Variants in SLC19A3 observed in about 807,000 individuals in gnomAD.
SLC19A3 encodes solute carrier family 19 member 3.
SLC19A3 carries 31 observed loss-of-function variants against 40.2 expected under a neutral mutation model. The ratio of observed to expected loss-of-function variants is 0.77; its 90% CI spans 0.58 to 1.04. The LOEUF (loss-of-function observed/expected upper bound fraction) is 1.04, where lower values mean the gene tolerates loss of function less well. Ranked by LOEUF, SLC19A3 falls within the 50% of genes least tolerant of loss-of-function variation. The pLI is 0.00. For synonymous variants in SLC19A3, 212 were observed against 227.5 expected (o/e 0.93, Z 0.61); for missense variants, 592 against 596.7 (o/e 0.99, Z 0.08).
chr2:227,685,126 G>T lies in SLC19A3; in HGVS notation c.*2271C>A, dbSNP rs11895663. ...TTGGGCTGGATCTTAGTCCAGTGAA[G>T]AATTTCGGGATTTGGAGAGGAGTAT... On this transcript the variant is annotated 3_prime_UTR_variant, in exon 6 of 6. Transcript: ENST00000644224. 6.6e-6 allele frequency: 1 copy of T among 151,914 alleles called. No homozygotes were observed. The highest frequency in any genetic ancestry group is 2.4e-5 in the African/African-American group (1 of 41,372). The allele number at this position is 151,914 out of a possible 1,614,324, so 9.4% of individuals were successfully genotyped here.
At position 227,696,877 on chromosome 2, in the gene SLC19A3, C is replaced by G. The variant is rs894022587; in HGVS notation, c.980-796G>C. On this transcript the variant is annotated intron_variant, in intron 3 of 5. Transcript: ENST00000644224. ...GGTCAGGAGTTAGAGACCAGCCTGGCCAACATGGTGAAACTCCAGCTCTAC... is the reference window on the plus strand; with the variant it reads ...GGTCAGGAGTTAGAGACCAGCCTGGGCAACATGGTGAAACTCCAGCTCTAC... Among the ~76,000 whole-genome samples the G allele has an allele frequency of 6.6e-5, 10 of 152,076 alleles. 1 individual carries two copies. In the South Asian group the frequency reaches 8.4e-4, roughly 13 times the overall value.
intron 4 of SLC19A3, among the ~76,000 whole-genome samples, chr2:227,688,562 A>G (rs1469349466): frequency 6.6e-6 from 1 of 152,172 alleles, no homozygotes; most frequent in Non-Finnish European, 1.5e-5. Flanking sequence ...CTAGAACCAC[A>G]GTGTTACTGG....
At chr2:227,717,177 C>G (rs1361910156) in intron 1 of SLC19A3, among the ~76,000 whole-genome samples, 1 of 151,598 alleles carries the variant, frequency 6.6e-6, no homozygotes, top group Non-Finnish European at 1.5e-5. Flanking sequence ...TAATTTTTGC[C>G]TTTTTAGTAG....
intron 1 of SLC19A3, among the ~76,000 whole-genome samples, chr2:227,716,286 T>A (rs1171444344): frequency 6.6e-6 from 1 of 152,200 alleles, no homozygotes; most frequent in Non-Finnish European, 1.5e-5. Flanking sequence ...CATTATTCAA[T>A]ATTCCTGATC....
chr2:227,704,637 C>T (rs938808543), intron 1 of SLC19A3, among the ~76,000 whole-genome samples: 7 of 151,996 alleles, frequency 4.6e-5, no homozygotes, highest in Admixed American at 3.3e-4. Flanking sequence ...CTGGCTATAT[C>T]CTCAAAATTC....
intron 1 of SLC19A3, among the ~76,000 whole-genome samples, chr2:227,715,122 G>A (rs550402581): frequency 4.7e-5 from 7 of 149,346 alleles, no homozygotes; most frequent in Non-Finnish European, 1.0e-4. Flanking sequence ...GCCTGGCCTT[G>A]CCCTGACTAT....
chr2:227,706,692 A>T (rs906945602), intron 1 of SLC19A3: 1 of 166,518 alleles, frequency 6.0e-6, no homozygotes, highest in African/African-American at 2.4e-5. Flanking sequence ...AATCACTTGA[A>T]CCCGGGAGAT....
chr2:227,698,753 G>C lies in SLC19A3; in HGVS notation c.962C>G (p.Ala321Gly). The change falls in exon 3 of 6, where the codon GCT (alanine) becomes GGT (glycine). Residue 321 changes from alanine (A) to glycine (G), a missense_variant. Physicochemically the swap from Ala to Gly is moderately conservative, Grantham distance 60. Coordinates refer to ENST00000644224, the MANE Select transcript of SLC19A3 (RefSeq NM_025243.4). The stretch of plus-strand genomic sequence containing the variant: ...TTGCTTACCTCCAAAGGTTGCAATA[G>C]CTTCTACGGCCCCATTATAGATGGA... The part of the protein sequence containing the change: ...DSSIYNGAVE[A>G]IATFGGAVAA... The C allele has an allele frequency of 6.2e-7, 1 of 1,613,740 alleles. No individual in the cohort carries two copies.
chr2:227,713,666 T>G (rs1247648853), intron 1 of SLC19A3, among the ~76,000 whole-genome samples: 1 of 152,010 alleles, frequency 6.6e-6, no homozygotes, highest in East Asian at 1.9e-4. Context: ...CCCTAAACCT[T>G]GGACTTCCCA....
At position 227,703,677 on chromosome 2, in the gene SLC19A3, C is replaced by T. The variant is rs180783961; in HGVS notation, c.-2-1357G>A. ...TGGGTTTGCTGGTGCTTTCTGTCTT[C>T]GTTGTTAATGATCTTATAGAAATGG... On this transcript the variant is annotated intron_variant, in intron 1 of 5. Coordinates refer to ENST00000644224, the MANE Select transcript of SLC19A3 (RefSeq NM_025243.4). This position sits in a 1 kb window ranked among gnomAD's most constrained non-coding sequence, Gnocchi z 4.7. Among the ~76,000 whole-genome samples, 14 of 152,266 alleles carry T rather than the reference C, an allele frequency of 9.2e-5. No homozygotes were observed. The highest frequency in any genetic ancestry group is 4.1e-4 in the South Asian group (2 of 4,824).
chr2:227,700,247 A>G (rs1695631031), intron 2 of SLC19A3, among the ~76,000 whole-genome samples: 1 of 151,894 alleles, frequency 6.6e-6, no homozygotes, highest in South Asian at 2.1e-4. Context: ...CACAATGTTA[A>G]AAGAATCCAG....
rs1301046013 is a variant in SLC19A3, at chr2:227,686,132, G to A, written c.*1265C>T. 2.2e-6 allele frequency: 1 copy of A among 449,462 alleles called. No individual in the cohort carries two copies. Among genetic ancestry groups the A allele is most frequent in the Admixed American group, 2.4e-5 (1 of 41,982 alleles). 27.8% of individuals were successfully genotyped at this position (449,462 alleles called of 1,614,324 possible). The stretch of plus-strand genomic sequence containing the variant: ...GAATGGCTTGAACTCAGGAGGTGAA[G>A]TTTGCAGTGAGCCAAGATCACGCCA... On this transcript the variant is annotated 3_prime_UTR_variant, in exon 6 of 6. Coordinates refer to ENST00000644224, the MANE Select transcript of SLC19A3 (RefSeq NM_025243.4).
chr2:227,702,037 C>A, intron 2 of SLC19A3, 132 bp downstream of exon 2: 1 of 766,010 alleles, frequency 1.3e-6, no homozygotes, highest in Non-Finnish European at 2.2e-6. Flanking sequence ...ATATGGGACA[C>A]ATATTATGAA....
chr2:227,707,621 CA>C (rs1250049823), intron 1 of SLC19A3, among the ~76,000 whole-genome samples: 2 of 115,722 alleles, frequency 1.7e-5, no homozygotes, highest in African/African-American at 5.5e-5. Context: ...TAAAAAAAAA[CA>C]AATTTAAAAA....
intron 4 of SLC19A3, among the ~76,000 whole-genome samples, chr2:227,691,006 C>A (rs971064699): frequency 8.5e-5 from 13 of 152,144 alleles, no homozygotes; most frequent in African/African-American, 1.4e-4. Flanking sequence ...CAAGGATAAA[C>A]CATGTTAGGT....
At chr2:227,691,668 T>A (rs1309213324) in intron 4 of SLC19A3, among the ~76,000 whole-genome samples, 1 of 151,784 alleles carries the variant, frequency 6.6e-6, no homozygotes, top group Non-Finnish European at 1.5e-5. Context: ...TGATGCGTCA[T>A]AAAGAACTAG....
At chr2:227,696,535 GTTACAT>G (rs1438718252) in intron 3 of SLC19A3, among the ~76,000 whole-genome samples, 2 of 152,138 alleles carry the variant, frequency 1.3e-5, no homozygotes, top group African/African-American at 4.8e-5. Flanking sequence ...TATCAGATGT[GTTACAT>G]TGAAAGTTTT....
At chr2:227,700,112 G>A (rs924256456) in intron 2 of SLC19A3, among the ~76,000 whole-genome samples, 1 of 151,906 alleles carries the variant, frequency 6.6e-6, no homozygotes, top group Non-Finnish European at 1.5e-5. Flanking sequence ...CCTGAACTTA[G>A]GTGATCCGCC....
Position 227,687,198 on chromosome 2 carries a change from C to T in SLC19A3, c.*199G>A. ...GGGTTGTTTAATTATGATGACGGGT[C>T]CTGTCAATTGCATCCAGTAAAATTG... On this transcript the variant is annotated 3_prime_UTR_variant, in exon 6 of 6. Transcript: ENST00000644224. 2 of 537,746 alleles carry T rather than the reference C, an allele frequency of 3.7e-6. No individual in the cohort carries two copies. The highest frequency in any genetic ancestry group is 6.5e-6 in the Non-Finnish European group (2 of 309,140). The allele number at this position is 537,746 out of a possible 1,614,324, so 33.3% of individuals were successfully genotyped here.
Sources: allele counts gnomAD v4.1 joint callset (sites outside exome capture counted in the v4.1 genomes callset), GRCh38; gene constraint gnomAD v4.1.1; non-coding constraint Gnocchi (gnomAD v3.1); transcripts MANE v1.5; gene names NCBI Gene and HGNC (gene_info 2026-07-23, HGNC 2026-07-21).